Variants in NECTIN3 observed in about 807,000 individuals in gnomAD.
NECTIN3 encodes nectin-3.
NECTIN3 carries 8 observed loss-of-function variants against 49.4 expected under a neutral mutation model. The observed-to-expected ratio is 0.16, with a 90% CI of 0.10 to 0.29. The LOEUF (loss-of-function observed/expected upper bound fraction) is 0.29, where lower values mean the gene tolerates loss of function less well. NECTIN3 is among the 10% of genes least tolerant of loss of function. The probability of loss-of-function intolerance (pLI) is 1.00; values close to 1 mark genes in which losing one functional copy is unlikely to be tolerated. For missense variants in NECTIN3, 581 were observed against 654.6 expected (o/e 0.89, Z 1.23); for synonymous variants, 277 against 241.1 (o/e 1.15, Z -1.38).
chr3:111,115,168 C>G (rs2033639753), intron 2 of NECTIN3, among the ~76,000 whole-genome samples: 1 of 152,210 alleles, frequency 6.6e-6, no homozygotes, highest in South Asian at 2.1e-4. Flanking sequence ...TCTCCAGACA[C>G]TGCCAAGTGT....
chr3:111,132,305 G>A (rs2107491481), intron 5 of NECTIN3, among the ~76,000 whole-genome samples: 1 of 151,922 alleles, frequency 6.6e-6, no homozygotes, highest in Non-Finnish European at 1.5e-5. Flanking sequence ...ATTTTATACT[G>A]TACTTGCTAA....
Position 111,118,357 on chromosome 3 carries a change from C to T in NECTIN3, c.503-299C>T, listed in dbSNP as rs370680934. Among the ~76,000 whole-genome samples the T allele has an allele frequency of 1.4e-4, 20 of 146,864 alleles. No homozygotes were observed. In the East Asian group the frequency reaches 4.0e-3, roughly 30 times the overall value. Reference sequence around the variant, plus strand: ...ATAAAGGGAATTGTGATCTCGTTCACAGAAATTTTTTTTATATATTAAGTT... The same window carrying T: ...ATAAAGGGAATTGTGATCTCGTTCATAGAAATTTTTTTTATATATTAAGTT... On this transcript the variant is annotated intron_variant, in intron 2 of 5. Transcript: ENST00000485303.
At chr3:111,103,906 C>T (rs772598198) in intron 1 of NECTIN3, among the ~76,000 whole-genome samples, 22 of 152,124 alleles carry the variant, frequency 1.4e-4, no homozygotes, top group Non-Finnish European at 2.9e-4. Context: ...TATATTCATT[C>T]GTCTCTTGAT....
rs577569050 is a variant in NECTIN3, at chr3:111,097,376, G to A, written c.161-14654G>A. Among the ~76,000 whole-genome samples, 473 of 152,256 alleles carry A rather than the reference G, an allele frequency of 3.1e-3. 2 individuals are homozygous for A. Among genetic ancestry groups the A allele is most frequent in the African/African-American group, 0.011 (447 of 41,552 alleles). On this transcript the variant is annotated intron_variant, in intron 1 of 5. Transcript: ENST00000485303. ...AGGCAGAAGGGACTTGCCTTGTCTC[G>A]AATGAGACTTTGAACTGTGGACTTT...
intron 1 of NECTIN3, among the ~76,000 whole-genome samples, chr3:111,111,520 C>T (rs1453100028): frequency 1.3e-5 from 2 of 152,070 alleles, no homozygotes; most frequent in African/African-American, 2.4e-5. Flanking sequence ...TATCTATTGC[C>T]ATGTAAAAAA....
chr3:111,081,489 C>T (rs934975889), intron 1 of NECTIN3, among the ~76,000 whole-genome samples: 5 of 152,234 alleles, frequency 3.3e-5, no homozygotes, highest in East Asian at 1.9e-4. Flanking sequence ...CCTGTTTCCT[C>T]CCCTGTTAAA....
rs1180895493 is a variant in NECTIN3, at chr3:111,134,651, CA to C, written c.*440del. 1 of 867,330 alleles carries C rather than the reference CA, an allele frequency of 1.2e-6. No homozygotes were observed. The highest frequency in any genetic ancestry group is 1.8e-5 in the African/African-American group (1 of 54,562). The allele number at this position is 867,330 out of a possible 1,614,324, so 53.7% of individuals were successfully genotyped here. ...TTATCACCACTCAATGACACTGCAT[CA>C]AAATTGACTATAAAACTAATTCAAG... On this transcript the variant is annotated 3_prime_UTR_variant, in exon 6 of 6. Coordinates refer to ENST00000485303, the MANE Select transcript of NECTIN3 (RefSeq NM_015480.3).
intron 7 of NECTIN3, among the ~76,000 whole-genome samples, chr3:111,162,348 T>G (rs2035230144): frequency 6.6e-6 from 1 of 152,188 alleles, no homozygotes; most frequent in Admixed American, 6.6e-5. Flanking sequence ...GGGAGGTAAC[T>G]GAATCATGGG....
intron 7 of NECTIN3, among the ~76,000 whole-genome samples, chr3:111,148,543 CTGT>C (rs1390025531): frequency 2.6e-5 from 4 of 152,156 alleles, no homozygotes; most frequent in African/African-American, 4.8e-5. Context: ...TTAGCTGGAG[CTGT>C]TGTTGTATTT....
At position 111,135,337 on chromosome 3, in the gene NECTIN3, A is replaced by G. The variant is rs955912000; in HGVS notation, c.*1122A>G. On this transcript the variant is annotated 3_prime_UTR_variant, in exon 6 of 6. Transcript: ENST00000485303. ...CTCCTTTTTCCTCCTAAGTGTATGT[A>G]TGTGTTTTAAGATTTCTGTTTTTAC... The G allele has an allele frequency of 1.4e-5, 13 of 943,536 alleles. No individual in the cohort carries two copies. Among genetic ancestry groups the G allele is most frequent in the South Asian group, 4.9e-5 (1 of 20,372 alleles). 58.4% of individuals were successfully genotyped at this position (943,536 alleles called of 1,614,324 possible). A position where few individuals can be genotyped will look rare whatever the true frequency, so the allele number is the denominator to read the frequency against.
chr3:111,190,364 T>G (rs1017031381), upstream of NECTIN3, among the ~76,000 whole-genome samples: 1 of 152,234 alleles, frequency 6.6e-6, no homozygotes, highest in African/African-American at 2.4e-5. Flanking sequence ...TCTAATAAAT[T>G]CATTAGTGAA....
intron 7 of NECTIN3, among the ~76,000 whole-genome samples, chr3:111,174,715 A>G (rs1431057883): frequency 8.5e-6 from 1 of 118,212 alleles, no homozygotes; most frequent in Non-Finnish European, 1.7e-5. Flanking sequence ...TGCTCAAACC[A>G]CTGAGGTTTG....
intron 7 of NECTIN3, among the ~76,000 whole-genome samples, chr3:111,176,466 G>A (rs957608204): frequency 2.0e-5 from 3 of 152,074 alleles, no homozygotes; most frequent in Admixed American, 6.6e-5. Flanking sequence ...TGTCTTTGTG[G>A]GGGGAAATGC....
chr3:111,125,022 CTTTTTTTTTTTT>C (rs869201432), intron 4 of NECTIN3, among the ~76,000 whole-genome samples: 12 of 90,210 alleles, frequency 1.3e-4, no homozygotes, highest in African/African-American at 3.4e-4. Context: ...TCTTTTCTTT[CTTTTTTTTTTTT>C]TTTTTTTTTT....
upstream of NECTIN3, among the ~76,000 whole-genome samples, chr3:111,188,727 A>G (rs896994166): frequency 3.3e-5 from 5 of 152,226 alleles, no homozygotes; most frequent in Admixed American, 3.3e-4. Context: ...ATGACACTGC[A>G]TTACTGACTT....
chr3:111,166,692 A>G (rs958353157), intron 7 of NECTIN3, among the ~76,000 whole-genome samples: 1 of 152,196 alleles, frequency 6.6e-6, no homozygotes. Flanking sequence ...GGATTCTTAG[A>G]TGTGTATAAA....
At chr3:111,169,557 T>C (rs2035395232) in intron 7 of NECTIN3, among the ~76,000 whole-genome samples, 1 of 152,100 alleles carries the variant, frequency 6.6e-6, no homozygotes, top group Non-Finnish European at 1.5e-5. Context: ...ATTAATAGAT[T>C]ATAAGCACAG....
chr3:111,091,201 A>T (rs1055766781), intron 1 of NECTIN3, among the ~76,000 whole-genome samples: 1 of 152,052 alleles, frequency 6.6e-6, no homozygotes, highest in Admixed American at 6.6e-5. Flanking sequence ...GTACTATTCT[A>T]TATATTTCAT....
Position 111,147,446 on chromosome 3 carries a change from GA to G in NECTIN3, c.1185del (p.Glu395AspfsTer37). On this transcript the variant is annotated frameshift_variant, in exon 7 of 9. Coordinates refer to the NECTIN3 transcript ENST00000493615. LOFTEE classifies it high-confidence loss of function. ...ACATAAACCACCTCCTCTGTATGAAGAACGATCCCCACCTTTGCCTCAGAAA... is the reference window on the plus strand; with the variant it reads ...ACATAAACCACCTCCTCTGTATGAAGACGATCCCCACCTTTGCCTCAGAAA... 6.5e-7 allele frequency: 1 copy of G among 1,532,602 alleles called. No homozygotes were observed. 94.9% of individuals were successfully genotyped at this position (1,532,602 alleles called of 1,614,324 possible). A position where few individuals can be genotyped will look rare whatever the true frequency, so the allele number is the denominator to read the frequency against.
Sources: gnomAD v4.1 joint callset for allele counts (sites outside exome capture counted in the v4.1 genomes callset) on GRCh38, gnomAD v4.1.1 for gene constraint, MANE v1.5 for transcripts, NCBI Gene and HGNC (gene_info 2026-07-23, HGNC 2026-07-21) for gene names.